The following GTF2F2 variants were observed in gnomAD, a reference collection of about 807,000 sequenced individuals.
GTF2F2 encodes general transcription factor IIF subunit 2, also known as ATP-dependent helicase GTF2F2.
A neutral mutation model predicts 42.2 loss-of-function variants in GTF2F2; 23 were observed. The ratio of observed to expected loss-of-function variants is 0.55; its 90% confidence interval spans 0.39 to 0.77. The LOEUF is 0.77. Ranked by LOEUF, GTF2F2 falls within the 30% of genes least tolerant of loss-of-function variation. GTF2F2 has a pLI of 0.00. For missense variants in GTF2F2, 261 were observed against 287.2 expected, an observed-to-expected ratio of 0.91 and a Z score of 0.66; for synonymous variants, 105 against 100.8, an observed-to-expected ratio of 1.04 and a Z score of -0.25.
At chr13:45,194,665 G>A in intron 4 of GTF2F2, 1 of 1,129,566 alleles carries the variant, frequency 8.9e-7, no homozygotes, top group Non-Finnish European at 1.3e-6. Context: ...CCCCAGCCTG[G>A]TGATGGAATG....
chr13:45,128,645 G>A (rs1438421108), intron 1 of GTF2F2, among the ~76,000 whole-genome samples: 1 of 152,018 alleles, frequency 6.6e-6, no homozygotes, highest in Non-Finnish European at 1.5e-5. Flanking sequence ...AGGCTGGAGT[G>A]CAGTGGCATG....
At chr13:45,171,069 CTTTTTTTTTTTT>C (rs908914894) in intron 4 of GTF2F2, among the ~76,000 whole-genome samples, 10 of 94,242 alleles carry the variant, frequency 1.1e-4, no homozygotes, top group South Asian at 6.8e-4. Flanking sequence ...AAAACCCTAT[CTTTTTTTTTTTT>C]TTTTTTTTTT....
At chr13:45,130,116 G>C (rs900085490) in intron 1 of GTF2F2, among the ~76,000 whole-genome samples, 4 of 152,240 alleles carry the variant, frequency 2.6e-5, no homozygotes, top group African/African-American at 9.6e-5. Flanking sequence ...AGACATTATA[G>C]GAGTTTTCTT....
chr13:45,272,720 G>A (rs1489586193), intron 7 of GTF2F2, among the ~76,000 whole-genome samples: 1 of 149,568 alleles, frequency 6.7e-6, no homozygotes, highest in Admixed American at 6.6e-5. Flanking sequence ...ACTCCAGCCT[G>A]GGTGACAGAG....
chr13:45,226,676 A>C (rs1248723089), intron 5 of GTF2F2, among the ~76,000 whole-genome samples: 1 of 152,176 alleles, frequency 6.6e-6, no homozygotes, highest in Non-Finnish European at 1.5e-5. Flanking sequence ...ATCTCCAGTA[A>C]AATTTTTTTG....
Position 45,152,158 on chromosome 13 carries a change from G to A in GTF2F2, c.304+327G>A, listed in dbSNP as rs184619315. On this transcript the variant is annotated intron_variant, in intron 4 of 7. Coordinates refer to ENST00000340473, the MANE Select transcript of GTF2F2 (RefSeq NM_004128.3). ...TCTAACTCCCTACCTCAGGTGATCT[G>A]CCCACCTTGGCCTCCCAAAGTGCTG... Among the ~76,000 whole-genome samples, 328 of 152,080 alleles carry A rather than the reference G, an allele frequency of 2.2e-3. 1 individual carries two copies. The highest frequency in any genetic ancestry group is 7.6e-3 in the African/African-American group (317 of 41,486).
intron 4 of GTF2F2, among the ~76,000 whole-genome samples, chr13:45,156,764 G>A (rs1870775733): frequency 6.6e-6 from 1 of 152,188 alleles, no homozygotes; most frequent in African/African-American, 2.4e-5. Context: ...TACTGAATTA[G>A]AAAATATTCA....
intron 4 of GTF2F2, among the ~76,000 whole-genome samples, chr13:45,167,053 T>A (rs1163850039): frequency 6.6e-6 from 1 of 151,992 alleles, no homozygotes. Flanking sequence ...CAGCACACTT[T>A]GAAAGACTGC....
At chr13:45,249,025 T>G (rs539199372) in intron 5 of GTF2F2, among the ~76,000 whole-genome samples, 1 of 152,260 alleles carries the variant, frequency 6.6e-6, no homozygotes, top group East Asian at 1.9e-4. Context: ...TATTTCCAAA[T>G]TATATTATTT....
intron 7 of GTF2F2, among the ~76,000 whole-genome samples, chr13:45,275,131 G>T (rs1306584611): frequency 6.6e-6 from 1 of 151,884 alleles, no homozygotes; most frequent in Non-Finnish European, 1.5e-5. Flanking sequence ...AATATATATG[G>T]ATATGTGATT....
chr13:45,187,440 T>C (rs920545845), intron 4 of GTF2F2, among the ~76,000 whole-genome samples: 2 of 151,580 alleles, frequency 1.3e-5, no homozygotes, highest in Admixed American at 6.6e-5. Context: ...TAACAACTTA[T>C]ATGTGTTCAT....
chr13:45,211,732 C>T (rs1873652326), intron 5 of GTF2F2, among the ~76,000 whole-genome samples: 1 of 151,958 alleles, frequency 6.6e-6, no homozygotes, highest in Non-Finnish European at 1.5e-5. Context: ...GTATTCCAGG[C>T]ATGTGCCACC....
intron 5 of GTF2F2, among the ~76,000 whole-genome samples, chr13:45,242,860 C>T (rs527470746): frequency 9.8e-5 from 15 of 152,294 alleles, no homozygotes; most frequent in Non-Finnish European, 1.9e-4. Context: ...CTAAAACTTA[C>T]AGATTTCTCT....
At chr13:45,133,218 A>T (rs1211477524) in intron 1 of GTF2F2, among the ~76,000 whole-genome samples, 1 of 152,162 alleles carries the variant, frequency 6.6e-6, no homozygotes, top group Admixed American at 6.6e-5. Flanking sequence ...GACATAGCAG[A>T]TGGGGGACAG....
intron 4 of GTF2F2, among the ~76,000 whole-genome samples, chr13:45,175,594 G>A (rs1871837555): frequency 1.3e-5 from 2 of 152,076 alleles, no homozygotes; most frequent in East Asian, 1.9e-4. Context: ...GTACTCTTCA[G>A]TTCTCTTCCT....
At chr13:45,217,179 A>T (rs1220310618) in intron 5 of GTF2F2, among the ~76,000 whole-genome samples, 2 of 151,676 alleles carry the variant, frequency 1.3e-5, no homozygotes, top group African/African-American at 4.8e-5. Flanking sequence ...GCCACCTGTA[A>T]TCCCAGCTAC....
At chr13:45,165,806 CTTTTTTTTTTTTT>C (rs5803286) in intron 4 of GTF2F2, among the ~76,000 whole-genome samples, 1 of 88,888 alleles carries the variant, frequency 1.1e-5, no homozygotes, top group African/African-American at 5.0e-5. Flanking sequence ...TCAGTACATT[CTTTTTTTTTTTTT>C]TTTTTTTTTT....
At chr13:45,197,287 A>G (rs576789823) in intron 4 of GTF2F2, among the ~76,000 whole-genome samples, 19 of 151,306 alleles carry the variant, frequency 1.3e-4, no homozygotes, top group African/African-American at 4.6e-4. Context: ...ACTTGAGGCC[A>G]GGAGTTTGAG....
At chr13:45,131,168 A>C (rs1191710328) in intron 1 of GTF2F2, among the ~76,000 whole-genome samples, 1 of 151,722 alleles carries the variant, frequency 6.6e-6, no homozygotes, top group Non-Finnish European at 1.5e-5. Context: ...AGATCGCGCC[A>C]TTGCACTCCA....
Sources: allele counts gnomAD v4.1 joint callset (sites outside exome capture counted in the v4.1 genomes callset), GRCh38; gene constraint gnomAD v4.1.1; transcripts MANE v1.5; gene names NCBI Gene and HGNC (gene_info 2026-07-23, HGNC 2026-07-21).